The following ZMYM2 variants were observed in gnomAD, a reference collection of about 807,000 sequenced individuals.
ZMYM2 encodes the protein zinc finger MYM-type containing 2.
In ZMYM2, 56 loss-of-function variants were observed where a neutral mutation model predicts 162.8. That is an observed-to-expected ratio of 0.34 (90% CI 0.28 to 0.43). The LOEUF is 0.43. Among genes scored for constraint, ZMYM2 ranks in the 20% least tolerant of loss-of-function variants. The pLI is 1.00. For missense variants in ZMYM2, 1,275 were observed against 1,621.8 expected (o/e 0.79, Z 3.67); for synonymous variants, 510 against 541.6 (o/e 0.94, Z 0.81).
intron 11 of ZMYM2, 30 bp from the exon 12 acceptor site, chr13:20,036,707 G>A (rs202038606): frequency 1.4e-6 from 2 of 1,437,160 alleles, no homozygotes; most frequent in Admixed American, 5.8e-5. Context: ...GTGTTTTTTT[G>A]TTTTAATATA....
the ZMYM2 span, among the ~76,000 whole-genome samples, chr13:19,873,089 C>G: frequency 1.3e-5 from 2 of 152,154 alleles, no homozygotes; most frequent in African/African-American, 4.8e-5. Context: ...ATCTTTAAAT[C>G]CTCAGCATGT....
chr13:19,957,985 G>A (rs535188079), upstream of ZMYM2, among the ~76,000 whole-genome samples: 5 of 152,366 alleles, frequency 3.3e-5, no homozygotes, highest in South Asian at 4.1e-4. Context: ...AAGTTTCCCG[G>A]CCCCACGGGG....
intron 21 of ZMYM2, among the ~76,000 whole-genome samples, chr13:20,079,020 A>T (rs552354469): frequency 1.3e-4 from 20 of 151,842 alleles, no homozygotes; most frequent in Admixed American, 1.2e-3. Context: ...TATTTAAAAA[A>T]AAAAAAGATA....
Position 20,061,166 on chromosome 13 carries a change from T to C in ZMYM2, c.2853T>C (p.Leu951=), listed in dbSNP as rs1187784093. 1 of 1,613,766 alleles carries C rather than the reference T, an allele frequency of 6.2e-7. No homozygotes were observed. The highest frequency in any genetic ancestry group is 1.7e-5 in the Admixed American group (1 of 60,004). The change falls in exon 17 of 25, where the codon CTT becomes CTC. Residue 951 remains leucine (L), a synonymous_variant. Coordinates refer to ENST00000610343, the MANE Select transcript of ZMYM2 (RefSeq NM_197968.4). ...VSSDALDTEL[L]TMTDMMSEDE... is the part of the protein sequence containing the mutation. ...CAGATGCTCTTGATACAGAGTTGCT[T>C]ACAATGACGGATATGATGAGTGAAG... is the stretch of plus-strand genomic sequence containing the variant.
the ZMYM2 span, among the ~76,000 whole-genome samples, chr13:19,868,382 G>A: frequency 1.3e-5 from 2 of 152,108 alleles, no homozygotes; most frequent in Non-Finnish European, 2.9e-5. Flanking sequence ...CTTTGCTTCT[G>A]AGCCCTTTTG....
intron 2 of ZMYM2, among the ~76,000 whole-genome samples, chr13:19,967,918 A>G (rs963113181): frequency 2.0e-5 from 3 of 152,192 alleles, no homozygotes; most frequent in Admixed American, 6.5e-5. Flanking sequence ...AAGAATTTCT[A>G]TGTTTCTCTT....
the ZMYM2 span, among the ~76,000 whole-genome samples, chr13:19,881,355 C>G: frequency 6.6e-6 from 1 of 151,928 alleles, no homozygotes; most frequent in Non-Finnish European, 1.5e-5. Context: ...GGTGCGGTGG[C>G]TCACATCTGT....
intron 3 of ZMYM2, 84 bp from the exon 4 acceptor site, chr13:20,002,766 A>G: frequency 6.7e-7 from 1 of 1,483,374 alleles, no homozygotes; most frequent in Non-Finnish European, 9.1e-7. Context: ...CAAAATGGGA[A>G]GTTAATATTT....
At chr13:19,991,813 A>T (rs1029102641) in intron 2 of ZMYM2, among the ~76,000 whole-genome samples, 1 of 151,032 alleles carries the variant, frequency 6.6e-6, no homozygotes, top group African/African-American at 2.4e-5. Context: ...TATTTTTTGT[A>T]GAGATGGGGT....
At chr13:19,945,731 G>C in the ZMYM2 span, among the ~76,000 whole-genome samples, 2 of 151,574 alleles carry the variant, frequency 1.3e-5, no homozygotes, top group Admixed American at 1.3e-4. Flanking sequence ...TTAATAATTA[G>C]AAAAGTTTTT....
chr13:20,028,753 T>G (rs1017108418), intron 9 of ZMYM2, among the ~76,000 whole-genome samples: 1 of 152,158 alleles, frequency 6.6e-6, no homozygotes, highest in Non-Finnish European at 1.5e-5. Context: ...CTGTATTGTT[T>G]AGGCAATAAT....
chr13:20,061,339 AAAGCATTGTAAC>A, intron 17 of ZMYM2, 115 bp downstream of exon 17: 1 of 1,168,272 alleles, frequency 8.6e-7, no homozygotes, highest in South Asian at 1.8e-5. Context: ...GGGGGTGAGG[AAAGCATTGTAAC>A]AAAAATGTTT....
intron 13 of ZMYM2, 74 bp from the exon 14 acceptor site, chr13:20,052,203 A>T: frequency 8.0e-7 from 1 of 1,244,716 alleles, no homozygotes; most frequent in Non-Finnish European, 1.1e-6. Flanking sequence ...GGTGAAATTT[A>T]ATGAGAAATA....
At chr13:20,028,808 C>CT (rs796879715) in intron 9 of ZMYM2, among the ~76,000 whole-genome samples, 1,785 of 140,176 alleles carry the variant, frequency 0.013, 13 homozygotes, top group Middle Eastern at 0.045. Flanking sequence ...ATGCAATCAT[C>CT]TTTTTTTTTT....
At chr13:19,968,481 C>G (rs1365545483) in intron 2 of ZMYM2, among the ~76,000 whole-genome samples, 1 of 152,106 alleles carries the variant, frequency 6.6e-6, no homozygotes, top group African/African-American at 2.4e-5. Context: ...AGGCTGGTCT[C>G]GAACTCCTGA....
In ZMYM2 at chr13:20,074,237, T is replaced by TGAGAGA. The variant is rs1555330328; in HGVS notation, c.3453+6850_3453+6855dup. Among the ~76,000 whole-genome samples, 70 of 127,560 alleles carry TGAGAGA rather than the reference T, an allele frequency of 5.5e-4. 1 individual carries two copies. The highest frequency in any genetic ancestry group is 1.8e-3 in the African/African-American group (68 of 37,700). The allele number at this position is 127,560 out of a possible 152,430, so 83.7% of individuals were successfully genotyped here. ...GTGTGTGTGTGTGTGTGTGTGTGTG[T>TGAGAGA]GAGAGAGACAGAGAGACAGGGTCTC... On this transcript the variant is annotated intron_variant, in intron 21 of 24. Coordinates refer to ENST00000610343, the MANE Select transcript of ZMYM2 (RefSeq NM_197968.4).
Position 20,086,771 on chromosome 13 carries a change from G to GTATATATATATA in ZMYM2, c.*774_*785dup, listed in dbSNP as rs35941536. ...TATATATATGTATGTATGTGTGTGT[G>GTATATATATATA]TATATATATATATATATATATATAT... On this transcript the variant is annotated 3_prime_UTR_variant, in exon 25 of 25. Transcript: ENST00000610343. 7.5e-6 allele frequency: 1 copy of GTATATATATATA among 133,794 alleles called. No individual in the cohort carries two copies. Among genetic ancestry groups the GTATATATATATA allele is most frequent in the Non-Finnish European group, 1.6e-5 (1 of 62,578 alleles). The allele number at this position is 133,794 out of a possible 1,614,324, so 8.3% of individuals were successfully genotyped here. A position where few individuals can be genotyped will look rare whatever the true frequency, so the allele number is the denominator to read the frequency against.
chr13:20,024,937 T>C (rs2140235450), intron 7 of ZMYM2: 1 of 215,498 alleles, frequency 4.6e-6, no homozygotes, highest in South Asian at 1.9e-4. Context: ...GTGGTTTTAA[T>C]AAGATGATAA....
chr13:19,998,052 G>A (rs1326760347), intron 3 of ZMYM2, among the ~76,000 whole-genome samples: 4 of 152,104 alleles, frequency 2.6e-5, no homozygotes, highest in East Asian at 1.9e-4. Flanking sequence ...CTGTAAACTC[G>A]TCATCAGAAA....
Sources: gnomAD v4.1 joint callset for allele counts (sites outside exome capture counted in the v4.1 genomes callset) on GRCh38, gnomAD v4.1.1 for gene constraint, MANE v1.5 for transcripts, NCBI Gene and HGNC (gene_info 2026-07-23, HGNC 2026-07-21) for gene names.